The following BLTP3A variants were observed in gnomAD, a reference collection of about 807,000 sequenced individuals.
BLTP3A encodes ICBP90 binding protein 1.
the BLTP3A span, chr6:34,821,460 A>G: frequency 1.8e-6 from 1 of 553,860 alleles, no homozygotes; most frequent in Non-Finnish European, 3.2e-6. Context: ...GTCTGAGTGC[A>G]GTGTTTACAA....
At chr6:34,813,208 A>G in the BLTP3A span, among the ~76,000 whole-genome samples, 1 of 152,232 alleles carries the variant, frequency 6.6e-6, no homozygotes, top group Non-Finnish European at 1.5e-5. Context: ...GAGTTGAATG[A>G]ATGCTGGGTT....
At chr6:34,817,893 G>A in the BLTP3A span, among the ~76,000 whole-genome samples, 2 of 147,982 alleles carry the variant, frequency 1.4e-5, no homozygotes, top group African/African-American at 2.5e-5. Flanking sequence ...TCGCTCTGTC[G>A]CCCAGGCTGG....
chr6:34,794,157 C>CA, the BLTP3A span, among the ~76,000 whole-genome samples: 33,293 of 143,538 alleles, frequency 0.23, 4,210 homozygotes, highest in East Asian at 0.46. Context: ...GAGACTGTCT[C>CA]AAAAAAAAAA....
the BLTP3A span, among the ~76,000 whole-genome samples, chr6:34,821,144 C>T: frequency 2.6e-5 from 4 of 151,766 alleles, no homozygotes; most frequent in East Asian, 1.9e-4. Flanking sequence ...TTAGTAGAGA[C>T]GGGGTTTCTC....
At chr6:34,857,637 T>C in the BLTP3A span, 4 of 1,473,912 alleles carry the variant, frequency 2.7e-6, no homozygotes, top group African/African-American at 1.4e-5. Flanking sequence ...GTACCTTTGC[T>C]CTGTTCGTAA....
chr6:34,838,352 A>C, the BLTP3A span, among the ~76,000 whole-genome samples: 1 of 152,208 alleles, frequency 6.6e-6, no homozygotes, highest in Admixed American at 6.5e-5. Flanking sequence ...AAAGAACATG[A>C]ATGAGATGAA....
At chr6:34,825,710 A>G in the BLTP3A span, among the ~76,000 whole-genome samples, 7 of 152,240 alleles carry the variant, frequency 4.6e-5, no homozygotes, top group Non-Finnish European at 7.3e-5. Context: ...ACATTGGGCT[A>G]TTAGGTTTCA....
At chr6:34,843,368 G>A in the BLTP3A span, among the ~76,000 whole-genome samples, 2 of 151,972 alleles carry the variant, frequency 1.3e-5, no homozygotes, top group South Asian at 2.1e-4. Context: ...TTCTGTAATA[G>A]TTATTCAATT....
chr6:34,815,974 A>G, the BLTP3A span, among the ~76,000 whole-genome samples: 96 of 152,350 alleles, frequency 6.3e-4, no homozygotes, highest in Middle Eastern at 3.4e-3. Context: ...TTCCAAAATA[A>G]TTAAGATCCA....
At chr6:34,805,638 C>CT in the BLTP3A span, among the ~76,000 whole-genome samples, 1 of 145,930 alleles carries the variant, frequency 6.9e-6, no homozygotes, top group Non-Finnish European at 1.5e-5. Context: ...TGGTGCATGC[C>CT]TGTATTCTCA....
chr6:34,857,321 T>C, the BLTP3A span: 4 of 1,613,262 alleles, frequency 2.5e-6, no homozygotes, highest in African/African-American at 4.0e-5. Context: ...AAAGTTGTGA[T>C]TGTTTAGGTT....
the BLTP3A span, among the ~76,000 whole-genome samples, chr6:34,861,352 T>C: frequency 1.3e-5 from 2 of 152,168 alleles, no homozygotes; most frequent in Non-Finnish European, 2.9e-5. Context: ...TCTCAAACTC[T>C]TGGGCTCAAG....
chr6:34,844,042 G>A, the BLTP3A span, among the ~76,000 whole-genome samples: 62 of 150,996 alleles, frequency 4.1e-4, no homozygotes, highest in African/African-American at 1.4e-3. Context: ...GTGCAGTGGC[G>A]TGATCTTTGC....
the BLTP3A span, chr6:34,875,528 T>C: frequency 5.3e-5 from 8 of 152,172 alleles, no homozygotes; most frequent in African/African-American, 1.9e-4. Flanking sequence ...CACTTGTGCT[T>C]GTGGGGTGGG....
At chr6:34,870,092 G>A in the BLTP3A span, among the ~76,000 whole-genome samples, 20 of 152,060 alleles carry the variant, frequency 1.3e-4, no homozygotes, top group South Asian at 3.7e-3. Flanking sequence ...AAATATCCCT[G>A]TACCCATTAT....
chr6:34,857,049 AAT>A, the BLTP3A span: 2,942 of 1,314,442 alleles, frequency 2.2e-3, 38 homozygotes, highest in African/African-American at 0.027. Context: ...TGGGAAGATT[AAT>A]AGTTTGGTCT....
chr6:34,816,228 G>GTGT, the BLTP3A span, among the ~76,000 whole-genome samples: 1 of 152,176 alleles, frequency 6.6e-6, no homozygotes, highest in African/African-American at 2.4e-5. Flanking sequence ...ATTCTTGACT[G>GTGT]TGTTTATGTT....
chr6:34,800,183 A>T, the BLTP3A span, among the ~76,000 whole-genome samples: 1 of 152,124 alleles, frequency 6.6e-6, no homozygotes, highest in African/African-American at 2.4e-5. Context: ...GGATTTACTT[A>T]TACAGCGTCT....
the BLTP3A span, chr6:34,867,332 G>C: frequency 1.5e-5 from 25 of 1,614,164 alleles, no homozygotes; most frequent in African/African-American, 3.2e-4. Context: ...GTCACCAGCA[G>C]CCAACAGTTC....
Sources: allele counts gnomAD v4.1 joint callset (sites outside exome capture counted in the v4.1 genomes callset), GRCh38; gene constraint gnomAD v4.1.1; transcripts MANE v1.5; gene names NCBI Gene and HGNC (gene_info 2026-07-23, HGNC 2026-07-21).